ANAPC4: variants seen among roughly 807,000 people sequenced by gnomAD.
The protein encoded by ANAPC4 is anaphase-promoting complex subunit 4.
Under a neutral mutation model 119.8 loss-of-function variants are expected in ANAPC4, and 63 were observed. The ratio of observed to expected loss-of-function variants is 0.53; its 90% confidence interval spans 0.43 to 0.65. The LOEUF is 0.65. ANAPC4 is among the 30% of genes least tolerant of loss of function. The pLI is 0.00. For missense variants in ANAPC4, 716 were observed against 945.1 expected (o/e 0.76, Z 3.18); for synonymous variants, 283 against 318.6 (o/e 0.89, Z 1.19).
At chr4:25,389,284 G>A (rs894658023) in intron 7 of ANAPC4, among the ~76,000 whole-genome samples, 1 of 151,178 alleles carries the variant, frequency 6.6e-6, no homozygotes, top group South Asian at 2.1e-4. Context: ...TCAGCCTCCC[G>A]AGTAGCTGGG....
intron 21 of ANAPC4, 53 bp from the exon 22 acceptor site, chr4:25,413,592 A>T (rs956165648): frequency 2.4e-5 from 34 of 1,394,416 alleles, no homozygotes; most frequent in Non-Finnish European, 3.4e-5. Flanking sequence ...TCTTCTAATT[A>T]TAAGTTTGCT....
chr4:25,400,558 C>G (rs1348787064), intron 16 of ANAPC4, among the ~76,000 whole-genome samples: 1 of 152,114 alleles, frequency 6.6e-6, no homozygotes, highest in African/African-American at 2.4e-5. Context: ...ATCGAGTGCA[C>G]TAATGGAACA....
chr4:25,406,724 C>A, intron 18 of ANAPC4, 105 bp from the exon 19 acceptor site: 3 of 857,606 alleles, frequency 3.5e-6, no homozygotes, highest in Non-Finnish European at 5.4e-6. Flanking sequence ...TTTCCCATGG[C>A]TTTTAGTAGA....
intron 3 of ANAPC4, among the ~76,000 whole-genome samples, chr4:25,380,903 A>G (rs538288896): frequency 1.6e-4 from 24 of 152,340 alleles, no homozygotes; most frequent in African/African-American, 4.3e-4. Flanking sequence ...CCCTTGGTGC[A>G]TGTGTGTTTG....
chr4:25,418,010 G>T (rs1024930203), intron 28 of ANAPC4, 145 bp from the exon 29 acceptor site: 11 of 912,966 alleles, frequency 1.2e-5, no homozygotes, highest in African/African-American at 3.4e-5. Flanking sequence ...ACAAAATGAA[G>T]GCTGAATTTA....
chr4:25,383,198 A>C, intron 3 of ANAPC4, 63 bp from the exon 4 acceptor site: 2 of 1,440,024 alleles, frequency 1.4e-6, no homozygotes, highest in Non-Finnish European at 1.8e-6. Flanking sequence ...CAATAAGGGA[A>C]ATACCCATTT....
In ANAPC4 at chr4:25,405,884, T is replaced by C. The variant is rs1032768468; in HGVS notation, c.1317+265T>C. Among the ~76,000 whole-genome samples, 3 of 151,700 alleles carry C rather than the reference T, an allele frequency of 2.0e-5. No homozygotes were observed. The highest frequency in any genetic ancestry group is 7.3e-5 in the African/African-American group (3 of 40,948). On this transcript the variant is annotated intron_variant, in intron 18 of 28. Transcript: ENST00000315368. The surrounding 1 kb of genome is among the most constrained non-coding windows in gnomAD (Gnocchi z 4.6). ...TTATAATACATGTAAGACAGCATCC[T>C]TGTATTCCTTACTTTGACTTCCTTA... is the stretch of plus-strand genomic sequence containing the variant.
chr4:25,408,649 C>A (rs1344772647), intron 20 of ANAPC4, among the ~76,000 whole-genome samples: 2 of 151,844 alleles, frequency 1.3e-5, no homozygotes, highest in African/African-American at 4.8e-5. Context: ...GCTACAAGCA[C>A]ACACCACCAT....
intron 25 of ANAPC4, chr4:25,415,237 C>A: frequency 2.5e-6 from 1 of 395,556 alleles, no homozygotes. Context: ...ATGTTGAGAC[C>A]ACGATGTAAC....
intron 7 of ANAPC4, among the ~76,000 whole-genome samples, chr4:25,389,244 C>T (rs550232851): frequency 1.5e-4 from 23 of 151,842 alleles, no homozygotes; most frequent in South Asian, 1.3e-3. Context: ...CTGCAACCTC[C>T]GCCTTCCTGG....
rs371698164 is a variant in ANAPC4, at chr4:25,393,784, A to G, written c.790-21A>G. On this transcript the variant is annotated intron_variant, in intron 10 of 28. Transcript: ENST00000315368. ...GGTTTAAATATTTTTTACCATTTCAATTTTTCTTTTTTGCTAATAGTATAT... is the reference window on the plus strand; with the variant it reads ...GGTTTAAATATTTTTTACCATTTCAGTTTTTCTTTTTTGCTAATAGTATAT... The G allele has an allele frequency of 2.9e-5, 44 of 1,512,074 alleles. No homozygotes were observed. In the African/African-American group the frequency reaches 3.2e-4, roughly 11 times the overall value. 93.7% of individuals were successfully genotyped at this position (1,512,074 alleles called of 1,614,324 possible). A position where few individuals can be genotyped will look rare whatever the true frequency, so the allele number is the denominator to read the frequency against.
intron 25 of ANAPC4, 100 bp from the exon 26 acceptor site, chr4:25,415,366 C>T: frequency 1.1e-6 from 1 of 871,928 alleles, no homozygotes; most frequent in East Asian, 2.5e-5. Flanking sequence ...TAAAGAAGTA[C>T]ATGTACTGAC....
rs1317995109 is a variant in ANAPC4 at position 25,396,840 on chromosome 4, C to T, written c.1163-8C>T. ...GACAAATGACGTTTATTTATTTTTT[C>T]CCTTTAGAAGCTATAACTGCTGTGG... On this transcript the variant is annotated splice_polypyrimidine_tract_variant and splice_region_variant and intron_variant, in intron 15 of 28. Coordinates refer to ENST00000315368, the MANE Select transcript of ANAPC4 (RefSeq NM_013367.3). 35 of 1,610,842 alleles carry T rather than the reference C, an allele frequency of 2.2e-5. No homozygotes were observed. The highest frequency in any genetic ancestry group is 2.7e-5 in the Non-Finnish European group (32 of 1,179,030).
chr4:25,400,150 GC>G (rs1560440219), intron 16 of ANAPC4, among the ~76,000 whole-genome samples: 2 of 152,204 alleles, frequency 1.3e-5, no homozygotes, highest in African/African-American at 4.8e-5. Flanking sequence ...AAAGGGAATG[GC>G]CAGTAGATGG....
chr4:25,401,590 C>T (rs1047116919), intron 16 of ANAPC4, among the ~76,000 whole-genome samples: 6 of 152,350 alleles, frequency 3.9e-5, no homozygotes, highest in African/African-American at 9.6e-5. Context: ...TTCTCCAAGG[C>T]GGAGGCTCCT....
chr4:25,385,617 CA>C (rs1366818466), intron 4 of ANAPC4, among the ~76,000 whole-genome samples: 1 of 152,180 alleles, frequency 6.6e-6, no homozygotes, highest in Non-Finnish European at 1.5e-5. Flanking sequence ...ACTGGAGTAG[CA>C]CTTTTAATTT....
In ANAPC4 at chr4:25,394,371, C is replaced by A; in HGVS notation, c.938C>A (p.Ala313Glu). 1 of 1,575,324 alleles carries A rather than the reference C, an allele frequency of 6.3e-7. No homozygotes were observed. The highest frequency in any genetic ancestry group is 8.5e-7 in the Non-Finnish European group (1 of 1,169,764). Residue 313 changes from alanine (A) to glutamate (E), a missense_variant, in exon 12 of 29, where the codon GCA (alanine) becomes GAA (glutamate). By Grantham distance (107) the Ala-to-Glu change is moderately radical (BLOSUM62 -1). Around this residue, in one of 3 missense-constraint regions of ANAPC4, gnomAD observed 504 missense variants for 615.8 expected, o/e 0.82. Transcript: ENST00000315368. The stretch of plus-strand genomic sequence containing the variant: ...ATGCACTTGCTATTATGGGGGAAAG[C>A]AAGGTAATAAACTCAGATTAGGTGC... The part of the protein sequence containing the change: ...EFMHLLLWGK[A>E]SAELQTLLMN...
In ANAPC4 at chr4:25,394,783, A is replaced by G. The variant is rs762308828; in HGVS notation, c.985-46A>G. The G allele has an allele frequency of 1.1e-4, 175 of 1,601,420 alleles. No individual in the cohort carries two copies. In the Middle Eastern group the frequency reaches 1.7e-3, roughly 15 times the overall value. ...CTTAATTTTTTTTTTCGAGTGGCAT[A>G]TAATATCCTGATTGTATGCTAAATA... On this transcript the variant is annotated intron_variant, in intron 13 of 28. Coordinates refer to ENST00000315368, the MANE Select transcript of ANAPC4 (RefSeq NM_013367.3).
intron 3 of ANAPC4, among the ~76,000 whole-genome samples, chr4:25,381,402 C>G (rs1721716638): frequency 1.3e-5 from 2 of 151,524 alleles, no homozygotes; most frequent in African/African-American, 4.9e-5. Context: ...CCTTCACCTC[C>G]CGGGTTCAAG....
Sources: allele counts gnomAD v4.1 joint callset (sites outside exome capture counted in the v4.1 genomes callset), GRCh38; gene constraint gnomAD v4.1.1; regional missense constraint gnomAD v4.1.1; non-coding constraint Gnocchi (gnomAD v3.1); transcripts MANE v1.5; gene names NCBI Gene and HGNC (gene_info 2026-07-23, HGNC 2026-07-21).